Variants in RBPJ observed in about 807,000 individuals in gnomAD.
The protein encoded by RBPJ is recombining binding protein suppressor of hairless.
A neutral mutation model predicts 67.8 loss-of-function variants in RBPJ; 9 were observed. That is an observed-to-expected ratio of 0.13 (90% CI 0.08 to 0.23). RBPJ has a LOEUF of 0.23. Ranked by LOEUF, RBPJ falls within the 10% of genes least tolerant of loss-of-function variation. The pLI, the probability that RBPJ is intolerant of heterozygous loss-of-function variation, is 1.00. For missense variants in RBPJ, 305 were observed against 595.6 expected (o/e 0.51, Z 5.08); for synonymous variants, 198 against 203.3 (o/e 0.97, Z 0.22).
chr4:26,113,462 C>T, the RBPJ span: 39 of 550,298 alleles, frequency 7.1e-5, no homozygotes, highest in Middle Eastern at 6.0e-4. Context: ...TACCAACCAT[C>T]AGCAAACACA....
At chr4:26,388,573 G>T (rs1191396608) in intron 2 of RBPJ, among the ~76,000 whole-genome samples, 5 of 150,676 alleles carry the variant, frequency 3.3e-5, no homozygotes, top group Non-Finnish European at 5.9e-5. Flanking sequence ...TAGAGGAGAG[G>T]TTAAATAGAG....
chr4:26,320,699 G>C, upstream of RBPJ: 1 of 1,527,456 alleles, frequency 6.5e-7, no homozygotes, highest in South Asian at 1.2e-5. Flanking sequence ...GTTTTCCTCA[G>C]TCTCCACGTA....
chr4:26,420,710 T>C lies in RBPJ; in HGVS notation c.481T>C (p.Leu161=), dbSNP rs746708252. The part of the protein sequence containing the change: ...ISKPSKKKQS[L]KNADLCIASG... ...CAAACCTTCCAAAAAGAAGCAGTCA[T>C]TGAAAAATGCTGACTGTATGTATGC... The change falls in exon 5 of 11, where the codon TTG becomes CTG. Residue 161 remains leucine (L), a synonymous_variant. Transcript: ENST00000355476. 4 of 1,611,892 alleles carry C rather than the reference T, an allele frequency of 2.5e-6. No homozygotes were observed. Among genetic ancestry groups the C allele is most frequent in the African/African-American group, 2.7e-5 (2 of 74,790 alleles).
the RBPJ span, among the ~76,000 whole-genome samples, chr4:26,111,654 C>T: frequency 2.0e-5 from 3 of 152,312 alleles, no homozygotes; most frequent in African/African-American, 2.4e-5. Flanking sequence ...GGCCTCTGGT[C>T]GCACATGACA....
chr4:26,256,103 A>G (rs1015044055), intron 1 of RBPJ, among the ~76,000 whole-genome samples: 19 of 152,096 alleles, frequency 1.2e-4, no homozygotes, highest in African/African-American at 4.3e-4. Flanking sequence ...GAGATATTTT[A>G]TGCATAAACA....
At chr4:26,288,038 A>C (rs560192637) in intron 1 of RBPJ, among the ~76,000 whole-genome samples, 2 of 152,350 alleles carry the variant, frequency 1.3e-5, no homozygotes, top group East Asian at 3.9e-4. Flanking sequence ...CAATGATAAC[A>C]TCTGGGAAGA....
chr4:26,172,913 T>C (rs1023221196), intron 1 of RBPJ, among the ~76,000 whole-genome samples: 2 of 152,158 alleles, frequency 1.3e-5, no homozygotes, highest in Non-Finnish European at 2.9e-5. Context: ...GTGCTACACA[T>C]AGTCATATGC....
chr4:26,255,443 C>A (rs1489452100), intron 1 of RBPJ, among the ~76,000 whole-genome samples: 6 of 145,446 alleles, frequency 4.1e-5, no homozygotes, highest in Middle Eastern at 7.0e-3. Context: ...TCTAATGTGA[C>A]CCCTGCACAT....
the RBPJ span, among the ~76,000 whole-genome samples, chr4:26,111,205 C>A: frequency 2.6e-5 from 4 of 152,168 alleles, no homozygotes; most frequent in East Asian, 7.7e-4. Flanking sequence ...GCCCAGCCCC[C>A]CTCCTTCAAA....
chr4:26,318,802 T>A (rs1474811372), upstream of RBPJ, among the ~76,000 whole-genome samples: 1 of 151,468 alleles, frequency 6.6e-6, no homozygotes, highest in African/African-American at 2.4e-5. Flanking sequence ...ATCGAGACCA[T>A]CCTGACTAAC....
chr4:26,291,725 C>T lies in RBPJ; in HGVS notation c.-166-70721C>T, dbSNP rs557416617. On this transcript the variant is annotated intron_variant, in intron 1 of 4. Transcript: ENST00000512351. ...CTGAGTAACTGGGATTACAGGCATG[C>T]GCTGCCATGCCTGGTTAATTTTTGT... Among the ~76,000 whole-genome samples, 84 of 149,984 alleles carry T rather than the reference C, an allele frequency of 5.6e-4. 1 individual carries two copies. The highest frequency in any genetic ancestry group is 4.3e-4 in the Non-Finnish European group (29 of 67,346).
chr4:26,235,111 A>G (rs1719414130), intron 1 of RBPJ, among the ~76,000 whole-genome samples: 1 of 152,170 alleles, frequency 6.6e-6, no homozygotes, highest in African/African-American at 2.4e-5. Flanking sequence ...AGTACCTGGC[A>G]CATAGTAAGT....
chr4:26,125,792 C>G, the RBPJ span, among the ~76,000 whole-genome samples: 1 of 137,554 alleles, frequency 7.3e-6, no homozygotes, highest in African/African-American at 2.8e-5. Context: ...GAGCAAGACT[C>G]CATTTCAAAA....
At chr4:26,230,663 CAT>C (rs2109204124) in intron 1 of RBPJ, among the ~76,000 whole-genome samples, 1 of 152,322 alleles carries the variant, frequency 6.6e-6, no homozygotes, top group African/African-American at 2.4e-5. Flanking sequence ...TTCTTTGTTT[CAT>C]TAAGTGATCT....
In RBPJ at chr4:26,268,455, G is replaced by T. The variant is rs558064085; in HGVS notation, c.-166-93991G>T. On this transcript the variant is annotated intron_variant, in intron 1 of 4. Coordinates refer to the RBPJ transcript ENST00000512351. ...CTCTTTGGTCTCTTTTCAGGCTTTGGGCTTTTTCTTCAGGCCCAACCCTTA... is the reference window on the plus strand; with the variant it reads ...CTCTTTGGTCTCTTTTCAGGCTTTGTGCTTTTTCTTCAGGCCCAACCCTTA... 1.2e-4 allele frequency among the ~76,000 whole-genome samples: 18 copies of T among 152,144 alleles called. No individual in the cohort carries two copies. The South Asian group carries it at 3.7e-3, about 32-fold the overall frequency.
chr4:26,316,673 CATATATATATATACACATATTGTGT>C (rs1203377948), upstream of RBPJ, among the ~76,000 whole-genome samples: 57 of 127,116 alleles, frequency 4.5e-4, no homozygotes, highest in East Asian at 8.9e-3. Flanking sequence ...TATATATACA[CATATATATATATACACATATTGTGT>C]ATATATATAT....
intron 1 of RBPJ, among the ~76,000 whole-genome samples, chr4:26,246,191 T>C (rs997443944): frequency 3.3e-5 from 5 of 152,234 alleles, no homozygotes; most frequent in African/African-American, 1.2e-4. Context: ...TTCCAATCTG[T>C]GAACATGGGA....
At chr4:26,174,368 C>T (rs138698723) in intron 1 of RBPJ, among the ~76,000 whole-genome samples, 10 of 152,306 alleles carry the variant, frequency 6.6e-5, no homozygotes, top group Admixed American at 2.0e-4. Context: ...TACTGTTAAC[C>T]GAATGATAAG....
chr4:26,334,385 C>A (rs183193946), intron 1 of RBPJ, among the ~76,000 whole-genome samples: 1 of 151,600 alleles, frequency 6.6e-6, no homozygotes. Context: ...TCTAATATTC[C>A]TTTTTTGCCT....
Sources: gnomAD v4.1 joint callset for allele counts (sites outside exome capture counted in the v4.1 genomes callset) on GRCh38, gnomAD v4.1.1 for gene constraint, MANE v1.5 for transcripts, NCBI Gene and HGNC (gene_info 2026-07-23, HGNC 2026-07-21) for gene names.